Variants in SYAP1 observed in about 807,000 individuals in gnomAD.
SYAP1 encodes synapse associated protein 1, also known as synapse-associated protein 1.
A neutral mutation model predicts 29.6 loss-of-function variants in SYAP1; 3 were observed. That is an observed-to-expected ratio of 0.10 (90% CI 0.05 to 0.26). The LOEUF (loss-of-function observed/expected upper bound fraction) is 0.26. Among genes scored for constraint, SYAP1 ranks in the 10% least tolerant of loss-of-function variants. The probability of loss-of-function intolerance (pLI) is 1.00; values close to 1 mark genes in which losing one functional copy is unlikely to be tolerated. For missense variants in SYAP1, 217 were observed against 264.1 expected (o/e 0.82, Z 1.24); for synonymous variants, 102 against 102.7 (o/e 0.99, Z 0.04).
intron 1 of SYAP1, among the ~76,000 whole-genome samples, chrX:16,726,751 A>C (rs1926089658): frequency 8.9e-6 from 1 of 111,862 alleles, no homozygotes; most frequent in Non-Finnish European, 1.9e-5. Context: ...CACTGAATGC[A>C]GCACTGAAGT....
At chrX:16,741,447 C>T (rs898946875) in intron 3 of SYAP1, among the ~76,000 whole-genome samples, 1 of 110,325 alleles carries the variant, frequency 9.1e-6, no homozygotes, top group Admixed American at 9.8e-5. Flanking sequence ...CCACCCACCT[C>T]GGCCTCCCAA....
chrX:16,723,305 G>T (rs1332305081), intron 1 of SYAP1, among the ~76,000 whole-genome samples: 1 of 112,288 alleles, frequency 8.9e-6, no homozygotes, highest in East Asian at 2.8e-4. Flanking sequence ...GGTTTACAAT[G>T]CACAGTCAAT....
At chrX:16,746,780 G>A (rs1245482085) in intron 5 of SYAP1, among the ~76,000 whole-genome samples, 1 of 110,437 alleles carries the variant, frequency 9.1e-6, no homozygotes, top group African/African-American at 3.3e-5. Flanking sequence ...TAGAGACAGG[G>A]TTTCGCCATG....
At chrX:16,742,191 A>G (rs781236978) in intron 4 of SYAP1, among the ~76,000 whole-genome samples, 1 of 81,770 alleles carries the variant, frequency 1.2e-5, no homozygotes, top group South Asian at 6.1e-4. Context: ...TCGCTCTGTC[A>G]CCCAGCCTGG....
At chrX:16,734,540 A>T (rs1392548911) in intron 1 of SYAP1, among the ~76,000 whole-genome samples, 1 of 111,550 alleles carries the variant, frequency 9.0e-6, no homozygotes, top group Admixed American at 9.7e-5. Flanking sequence ...GAAAATAAAG[A>T]TGGCATACAT....
intron 3 of SYAP1, among the ~76,000 whole-genome samples, chrX:16,738,113 C>T (rs757207845): frequency 1.8e-5 from 2 of 111,692 alleles, no homozygotes; most frequent in African/African-American, 6.5e-5. Flanking sequence ...TATAACATCT[C>T]ATTTCAAGAC....
At chrX:16,748,994 A>G (rs1274520855) in intron 5 of SYAP1, among the ~76,000 whole-genome samples, 2 of 110,376 alleles carry the variant, frequency 1.8e-5, no homozygotes, top group African/African-American at 6.6e-5. Context: ...TGACCTTGCA[A>G]TCTGCCTGCC....
chrX:16,724,129 G>A (rs776853451), intron 1 of SYAP1, among the ~76,000 whole-genome samples: 5 of 112,196 alleles, frequency 4.5e-5, no homozygotes, highest in Non-Finnish European at 9.4e-5. Context: ...TGCAATGAAA[G>A]AGTACAAGAA....
intron 5 of SYAP1, among the ~76,000 whole-genome samples, chrX:16,746,434 A>T (rs1926610291): frequency 9.2e-6 from 1 of 109,013 alleles, no homozygotes; most frequent in South Asian, 3.9e-4. Context: ...ATGGGGTTTC[A>T]CCAGGTTGGC....
At chrX:16,753,413 C>CAA (rs200899959) in intron 5 of SYAP1, among the ~76,000 whole-genome samples, 2 of 108,059 alleles carry the variant, frequency 1.9e-5, no homozygotes, top group African/African-American at 3.4e-5. Context: ...GACTTTGTCT[C>CAA]AAAAAAAAAT....
rs1355159291 is a variant in SYAP1 at position 16,719,646 on chromosome X, G to T, written c.-79G>T. 9.2e-7 allele frequency: 1 copy of T among 1,083,795 alleles called. No individual in the cohort carries two copies. The highest frequency in any genetic ancestry group is 3.4e-5 in the East Asian group (1 of 29,756). 89.3% of individuals were successfully genotyped at this position (1,083,795 alleles called of 1,213,427 possible). On this transcript the variant is annotated 5_prime_UTR_variant, in exon 1 of 9. Transcript: ENST00000380155. Reference sequence around the variant, plus strand: ...ACTTCCGGACATCTCCCTGGGAGTCGCGCAGAGTGGAGTCAAAGGCAACCA... The same window carrying T: ...ACTTCCGGACATCTCCCTGGGAGTCTCGCAGAGTGGAGTCAAAGGCAACCA...
intron 1 of SYAP1, among the ~76,000 whole-genome samples, chrX:16,721,694 A>AT (rs200577986): frequency 0.32 from 32,645 of 101,145 alleles, 4,615 homozygotes; most frequent in African/African-American, 0.48. Flanking sequence ...CACCTGGCTA[A>AT]TTTTTTTTTT....
intron 1 of SYAP1, among the ~76,000 whole-genome samples, chrX:16,731,196 A>G (rs1249946454): frequency 8.9e-6 from 1 of 112,261 alleles, no homozygotes; most frequent in East Asian, 2.8e-4. Context: ...TTTTCCTACA[A>G]TATATTTTTA....
intron 1 of SYAP1, 55 bp downstream of exon 1, chrX:16,719,954 G>A: frequency 8.9e-7 from 1 of 1,129,548 alleles, no homozygotes; most frequent in Non-Finnish European, 1.2e-6. Context: ...CCTCCTCTGG[G>A]ACGGCCCTGG....
At chrX:16,735,781 C>T (rs1338574458) in intron 2 of SYAP1, among the ~76,000 whole-genome samples, 8 of 111,711 alleles carry the variant, frequency 7.2e-5, no homozygotes, top group African/African-American at 9.8e-5. Context: ...TGCGCTACCA[C>T]ACCCAGCTAA....
rs144592847 is a variant in SYAP1 at position 16,719,817 on chromosome X, C to G, written c.93C>G (p.Ser31=). Residue 31 remains serine (S), a synonymous_variant, in exon 1 of 9, where the codon TCC becomes TCG. Coordinates refer to ENST00000380155, the MANE Select transcript of SYAP1 (RefSeq NM_032796.4). ...GAGATGCTCCACCCGAGCAGCCGTCCGAGACGGTGGCTGAGTCTGCGGAGG... is the reference window on the plus strand; with the variant it reads ...GAGATGCTCCACCCGAGCAGCCGTCGGAGACGGTGGCTGAGTCTGCGGAGG... The part of the protein sequence containing the change: ...PNGDAPPEQP[S]ETVAESAEEE... The G allele has an allele frequency of 8.8e-5, 105 of 1,197,354 alleles. No homozygotes were observed. In the African/African-American group the frequency reaches 1.7e-3, roughly 19 times the overall value.
rs780899515 is a variant in SYAP1, at chrX:16,735,369, G to A, written c.294+24G>A. The A allele has an allele frequency of 4.2e-6, 4 of 961,623 alleles. No individual in the cohort carries two copies. The Admixed American group carries it at 1.2e-4, about 28-fold the overall frequency. 79.2% of individuals were successfully genotyped at this position (961,623 alleles called of 1,213,427 possible). A position where few individuals can be genotyped will look rare whatever the true frequency, so the allele number is the denominator to read the frequency against. ...AGGTATATTCAATTATCTTTTGGAA[G>A]TAGAAATGTATGAAATTCATTGTTT... is the stretch of plus-strand genomic sequence containing the variant. On this transcript the variant is annotated intron_variant, in intron 2 of 8. Transcript: ENST00000380155.
At chrX:16,755,340 T>C (rs780772096) in intron 6 of SYAP1, among the ~76,000 whole-genome samples, 1 of 110,134 alleles carries the variant, frequency 9.1e-6, no homozygotes, top group Non-Finnish European at 1.9e-5. Context: ...TTTTTTTTTT[T>C]AGACACGGGT....
At chrX:16,757,350 T>G in intron 8 of SYAP1, 41 bp downstream of exon 8, 1 of 1,149,828 alleles carries the variant, frequency 8.7e-7, no homozygotes, top group Non-Finnish European at 1.2e-6. Context: ...ACTATTCGTC[T>G]CCCTAATTCC....
Sources: allele counts gnomAD v4.1 joint callset (sites outside exome capture counted in the v4.1 genomes callset), GRCh38; gene constraint gnomAD v4.1.1; transcripts MANE v1.5; gene names NCBI Gene and HGNC (gene_info 2026-07-23, HGNC 2026-07-21).